ZNF804B: variants seen among roughly 807,000 people sequenced by gnomAD.
ZNF804B encodes the protein zinc finger 804B.
In ZNF804B, 80 loss-of-function variants were observed where a neutral mutation model predicts 101.4. The observed-to-expected ratio is 0.79, with a 90% CI of 0.66 to 0.95. The LOEUF is 0.95. Ranked by LOEUF, ZNF804B falls within the 40% of genes least tolerant of loss-of-function variation. The probability of loss-of-function intolerance (pLI) is 0.00; values close to 1 mark genes in which losing one functional copy is unlikely to be tolerated. For missense variants in ZNF804B, 1,673 were observed against 1,561.9 expected, an observed-to-expected ratio of 1.07 and a Z score of -1.20; for synonymous variants, 622 against 558.8, an observed-to-expected ratio of 1.11 and a Z score of -1.59.
At chr7:89,100,722 A>T (rs368001485) in intron 1 of ZNF804B, among the ~76,000 whole-genome samples, 41 of 152,200 alleles carry the variant, frequency 2.7e-4, no homozygotes, top group African/African-American at 9.6e-4. Flanking sequence ...AATGTGGTTC[A>T]TATTGTCACC....
chr7:88,961,527 C>T lies in ZNF804B; in HGVS notation c.108+201443C>T, dbSNP rs148603855. Among the ~76,000 whole-genome samples, 591 of 151,438 alleles carry T rather than the reference C, an allele frequency of 3.9e-3. 4 individuals are homozygous for T. Among genetic ancestry groups the T allele is most frequent in the African/African-American group, 0.014 (573 of 41,452 alleles). ...GAAGTTTTTATATCCCTAAATGCAG[C>T]AGTGACCTCTTTACAGCTTTTAAAA... On this transcript the variant is annotated intron_variant, in intron 1 of 3. Coordinates refer to ENST00000333190, the MANE Select transcript of ZNF804B (RefSeq NM_181646.5).
At chr7:88,880,303 GC>G (rs1341693651) in intron 1 of ZNF804B, among the ~76,000 whole-genome samples, 1 of 152,176 alleles carries the variant, frequency 6.6e-6, no homozygotes, top group Admixed American at 6.6e-5. Flanking sequence ...TTTGAAGAAT[GC>G]CATAAAAATA....
intron 1 of ZNF804B, among the ~76,000 whole-genome samples, chr7:89,019,064 G>A (rs1475039728): frequency 2.0e-5 from 3 of 151,934 alleles, no homozygotes; most frequent in Non-Finnish European, 2.9e-5. Flanking sequence ...TCTTTAGGGA[G>A]CATTGTTAGT....
Position 88,854,529 on chromosome 7 carries a change from T to TCCTTTCCTTTCCTTCCCTCCCTC in ZNF804B, c.108+94449_108+94450insTCCTTTCCTTCCCTCCCTCCCTT, listed in dbSNP as rs1562812904. Among the ~76,000 whole-genome samples, 3 of 57,920 alleles carry TCCTTTCCTTTCCTTCCCTCCCTC rather than the reference T, an allele frequency of 5.2e-5. No homozygotes were observed. In the East Asian group the frequency reaches 2.3e-3, roughly 44 times the overall value. 38.0% of individuals were successfully genotyped at this position (57,920 alleles called of 152,430 possible). On this transcript the variant is annotated intron_variant, in intron 1 of 3. Transcript: ENST00000333190. Reference sequence around the variant, plus strand: ...TTCCTTTCCTTTCCTTTCCTTCCTTTCCTTCCTTCCTTCCTTCCTTCCTTC... The same window carrying TCCTTTCCTTTCCTTCCCTCCCTC: ...TTCCTTTCCTTTCCTTTCCTTCCTTTCCTTTCCTTTCCTTCCCTCCCTCCCTTCCTTCCTTCCTTCCTTCCTTC...
At chr7:89,079,282 C>A (rs1789659370) in intron 1 of ZNF804B, among the ~76,000 whole-genome samples, 1 of 151,664 alleles carries the variant, frequency 6.6e-6, no homozygotes, top group Non-Finnish European at 1.5e-5. Flanking sequence ...TTTTTTCTAC[C>A]CAGGGGCAGC....
intron 1 of ZNF804B, among the ~76,000 whole-genome samples, chr7:88,832,631 G>A (rs913042704): frequency 6.6e-6 from 1 of 151,742 alleles, no homozygotes; most frequent in Non-Finnish European, 1.5e-5. Flanking sequence ...AAGAATTATT[G>A]ATATAAAATA....
intron 1 of ZNF804B, among the ~76,000 whole-genome samples, chr7:89,082,841 G>C (rs1345640366): frequency 1.3e-5 from 2 of 151,584 alleles, no homozygotes; most frequent in Non-Finnish European, 3.0e-5. Flanking sequence ...AATTCTTCTG[G>C]GGTGCAAAGG....
chr7:88,853,102 A>G (rs1463150572), intron 1 of ZNF804B, among the ~76,000 whole-genome samples: 1 of 152,036 alleles, frequency 6.6e-6, no homozygotes, highest in African/African-American at 2.4e-5. Context: ...GTATTTGCAC[A>G]TGTGTGTTTT....
chr7:89,055,789 A>C (rs1438742224), intron 1 of ZNF804B, among the ~76,000 whole-genome samples: 2 of 151,986 alleles, frequency 1.3e-5, no homozygotes, highest in Non-Finnish European at 2.9e-5. Flanking sequence ...AATCAATCAG[A>C]AAAAGGTGAG....
intron 1 of ZNF804B, among the ~76,000 whole-genome samples, chr7:88,987,230 G>A (rs776260766): frequency 1.2e-4 from 18 of 152,030 alleles, no homozygotes; most frequent in Non-Finnish European, 1.6e-4. Context: ...AGCTTGATTT[G>A]TACAGTATTT....
intron 1 of ZNF804B, among the ~76,000 whole-genome samples, chr7:89,152,469 A>T (rs1322888681): frequency 6.6e-6 from 1 of 152,032 alleles, no homozygotes; most frequent in African/African-American, 2.4e-5. Context: ...CATTTTTATT[A>T]AAAAATGTGT....
intron 1 of ZNF804B, among the ~76,000 whole-genome samples, chr7:89,012,529 G>A (rs1296008511): frequency 6.6e-6 from 1 of 152,146 alleles, no homozygotes; most frequent in East Asian, 1.9e-4. Context: ...TAGTACAGGG[G>A]CAAGAGGCCA....
At chr7:88,791,441 C>T (rs1055730099) in intron 1 of ZNF804B, among the ~76,000 whole-genome samples, 3 of 152,062 alleles carry the variant, frequency 2.0e-5, no homozygotes, top group African/African-American at 7.2e-5. Flanking sequence ...TTTAAAATTA[C>T]GATATGCTAA....
At chr7:89,283,801 G>C (rs1790135545) in intron 2 of ZNF804B, among the ~76,000 whole-genome samples, 1 of 151,942 alleles carries the variant, frequency 6.6e-6, no homozygotes. Context: ...AGGTAGCATA[G>C]ATTAGCATTG....
At chr7:88,780,181 G>A (rs995574154) in intron 1 of ZNF804B, among the ~76,000 whole-genome samples, 3 of 152,044 alleles carry the variant, frequency 2.0e-5, no homozygotes, top group African/African-American at 7.2e-5. Context: ...ACAAAATACT[G>A]GTGAGGATGT....
At chr7:88,942,931 T>C (rs576610834) in intron 1 of ZNF804B, among the ~76,000 whole-genome samples, 6 of 151,960 alleles carry the variant, frequency 3.9e-5, no homozygotes, top group African/African-American at 1.4e-4. Context: ...CATGTAACAT[T>C]TAAATGCAAA....
chr7:88,880,658 C>T (rs184701487), intron 1 of ZNF804B, among the ~76,000 whole-genome samples: 4 of 152,146 alleles, frequency 2.6e-5, no homozygotes, highest in East Asian at 1.9e-4. Flanking sequence ...CAATCTGATA[C>T]AGTAAACTAA....
In ZNF804B at chr7:88,827,073, G is replaced by A. The variant is rs535427115; in HGVS notation, c.108+66989G>A. ...ATTATATTTTGTGACCATTATGTCTGCAAAAACCTATTGCTCAAAAATGGG... is the reference window on the plus strand; with the variant it reads ...ATTATATTTTGTGACCATTATGTCTACAAAAACCTATTGCTCAAAAATGGG... On this transcript the variant is annotated intron_variant, in intron 1 of 3. Coordinates refer to ENST00000333190, the MANE Select transcript of ZNF804B (RefSeq NM_181646.5). 4.6e-5 allele frequency among the ~76,000 whole-genome samples: 7 copies of A among 151,994 alleles called. 1 individual carries two copies. The highest frequency in any genetic ancestry group is 2.1e-4 in the South Asian group (1 of 4,830).
intron 1 of ZNF804B, among the ~76,000 whole-genome samples, chr7:88,828,380 A>AT (rs990371238): frequency 3.6e-4 from 55 of 151,012 alleles, no homozygotes; most frequent in African/African-American, 1.0e-3. Context: ...GATTCAGTGT[A>AT]TTTTTTTTTC....
Sources: allele counts gnomAD v4.1 joint callset (sites outside exome capture counted in the v4.1 genomes callset), GRCh38; gene constraint gnomAD v4.1.1; transcripts MANE v1.5; gene names NCBI Gene and HGNC (gene_info 2026-07-23, HGNC 2026-07-21).